The following NPAS4 variants were observed in gnomAD, a reference collection of about 807,000 sequenced individuals.
NPAS4 encodes the protein neuronal PAS domain-containing protein 4.
In NPAS4, 10 loss-of-function variants were observed where a neutral mutation model predicts 64.0. That is an observed-to-expected ratio of 0.16 (90% CI 0.10 to 0.26). The LOEUF (loss-of-function observed/expected upper bound fraction) is 0.26, where lower values mean the gene tolerates loss of function less well. Among genes scored for constraint, NPAS4 ranks in the 10% least tolerant of loss-of-function variants. The probability of loss-of-function intolerance (pLI) is 1.00; values close to 1 mark genes in which losing one functional copy is unlikely to be tolerated. For synonymous variants in NPAS4, 441 were observed against 411.7 expected (o/e 1.07, Z -0.86); for missense variants, 886 against 992.6 (o/e 0.89, Z 1.44).
At chr11:66,412,813 C>T in the NPAS4 span, among the ~76,000 whole-genome samples, 1 of 152,176 alleles carries the variant, frequency 6.6e-6, no homozygotes, top group Non-Finnish European at 1.5e-5. Context: ...ATTCTCCTCC[C>T]CCGCCACCCT....
intron 1 of NPAS4, among the ~76,000 whole-genome samples, chr11:66,421,742 C>A (rs375467274): frequency 6.6e-6 from 1 of 152,188 alleles, no homozygotes; most frequent in African/African-American, 2.4e-5. Flanking sequence ...GATCTCCTGT[C>A]GCCTTCGGGG....
chr11:66,423,815 G>A lies in NPAS4; in HGVS notation c.945-20G>A. On this transcript the variant is annotated intron_variant, in intron 6 of 7. Coordinates refer to ENST00000311034, the MANE Select transcript of NPAS4 (RefSeq NM_178864.4). The stretch of plus-strand genomic sequence containing the variant: ...TATGGACGTCGGACCCTTACCAGCT[G>A]CCTCTTCTCTCCTCTCCAGTGACAT... 7 of 1,601,704 alleles carry A rather than the reference G, an allele frequency of 4.4e-6. No individual in the cohort carries two copies. Among genetic ancestry groups the A allele is most frequent in the Non-Finnish European group, 6.0e-6 (7 of 1,172,488 alleles).
chr11:66,414,019 C>T, the NPAS4 span, among the ~76,000 whole-genome samples: 5 of 152,198 alleles, frequency 3.3e-5, no homozygotes, highest in Non-Finnish European at 5.9e-5. Context: ...TGTGCCAGGC[C>T]TTGTGCTGGA....
In NPAS4 at chr11:66,424,110, G is replaced by C; in HGVS notation, c.1220G>C (p.Gly407Ala). The C allele has an allele frequency of 6.2e-7, 1 of 1,613,922 alleles. No individual in the cohort carries two copies. Among genetic ancestry groups the C allele is most frequent in the Non-Finnish European group, 8.5e-7 (1 of 1,179,988 alleles). Residue 407 changes from glycine to alanine, a missense_variant, in exon 7 of 8, where the codon GGG (glycine) becomes GCG (alanine). By Grantham distance (60) the Gly-to-Ala change is moderately conservative. Transcript: ENST00000311034. ...LDFSYLTFPSGPEPSLQAELS... is the reference protein window; with the variant it reads ...LDFSYLTFPSAPEPSLQAELS... ...TTCAGTTACCTGACATTCCCTTCTG[G>C]GCCTGAGCCTTCTCTCCAAGCAGAA...
At chr11:66,421,578 C>A (rs1191241852) in intron 1 of NPAS4, among the ~76,000 whole-genome samples, 1 of 152,230 alleles carries the variant, frequency 6.6e-6, no homozygotes, top group Non-Finnish European at 1.5e-5. Context: ...GTCCCTAACA[C>A]CAGATTATGA....
Position 66,423,264 on chromosome 11 carries a change from G to A in NPAS4, c.808+32G>A, listed in dbSNP as rs79941962. On this transcript the variant is annotated intron_variant, in intron 5 of 7. Transcript: ENST00000311034. ...GTCCAGAGAGGCTGGGGACAAGATA[G>A]CAAGCTGGGAAAGGGCATGGGAGAC... The A allele has an allele frequency of 3.0e-4, 421 of 1,422,580 alleles. 1 individual carries two copies. The African/African-American group carries it at 5.5e-3, about 18-fold the overall frequency. 88.1% of individuals were successfully genotyped at this position (1,422,580 alleles called of 1,614,324 possible). A position where few individuals can be genotyped will look rare whatever the true frequency, so the allele number is the denominator to read the frequency against.
upstream of NPAS4, among the ~76,000 whole-genome samples, chr11:66,420,033 C>T (rs2134639087): frequency 6.6e-6 from 1 of 152,290 alleles, no homozygotes; most frequent in Admixed American, 6.5e-5. Context: ...CCGGAGGATT[C>T]CTGTCCTAAT....
At chr11:66,415,183 A>G in the NPAS4 span, among the ~76,000 whole-genome samples, 1 of 152,196 alleles carries the variant, frequency 6.6e-6, no homozygotes, top group African/African-American at 2.4e-5. Flanking sequence ...CTCCTGGTGC[A>G]GGAAGTGGAG....
rs1856775405 is a variant in NPAS4 at position 66,423,105 on chromosome 11, C to T, written c.699-18C>T. 6.4e-7 allele frequency: 1 copy of T among 1,571,106 alleles called. No homozygotes were observed. The highest frequency in any genetic ancestry group is 1.7e-5 in the Admixed American group (1 of 57,360). ...CAAGGAAAACAGAAAGCTGACCTCA[C>T]CCTTTCCACCTTCCCAGTGTCCTAA... On this transcript the variant is annotated intron_variant, in intron 4 of 7. Transcript: ENST00000311034.
intron 1 of NPAS4, among the ~76,000 whole-genome samples, 169 bp from the exon 2 acceptor site, chr11:66,421,951 A>G (rs1856750798): frequency 2.0e-5 from 3 of 152,246 alleles, no homozygotes. Flanking sequence ...ATGGAGATAC[A>G]GCAACAGGTT....
chr11:66,422,506 A>G lies in NPAS4; in HGVS notation c.383A>G (p.His128Arg). The G allele has an allele frequency of 1.2e-6, 2 of 1,613,672 alleles. No homozygotes were observed. The highest frequency in any genetic ancestry group is 1.7e-6 in the Non-Finnish European group (2 of 1,179,866). Residue 128 changes from histidine (H) to arginine (R), a missense_variant, in exon 3 of 8, where the codon CAC (histidine) becomes CGC (arginine). By Grantham distance (29) the His-to-Arg change is conservative (BLOSUM62 0). Coordinates refer to ENST00000311034, the MANE Select transcript of NPAS4 (RefSeq NM_178864.4). ...SIYDIIDPADHLTVRQQLTLP... is the reference protein window; with the variant it reads ...SIYDIIDPADRLTVRQQLTLP... Reference sequence around the variant, plus strand: ...TACGACATCATTGACCCAGCTGACCACCTCACTGTGCGCCAGCAACTCACC... The same window carrying G: ...TACGACATCATTGACCCAGCTGACCGCCTCACTGTGCGCCAGCAACTCACC...
chr11:66,418,109 C>T (rs539322358), upstream of NPAS4, among the ~76,000 whole-genome samples: 13 of 152,316 alleles, frequency 8.5e-5, no homozygotes, highest in South Asian at 2.3e-3. Context: ...GTAGGTTTGG[C>T]TGAGAGGCTT....
intron 5 of NPAS4, 171 bp from the exon 6 acceptor site, chr11:66,423,407 C>T: frequency 1.2e-6 from 1 of 835,818 alleles, no homozygotes. Context: ...CAAATCAGAA[C>T]TGGGGGACTC....
In NPAS4 at chr11:66,422,575, C is replaced by T. The variant is rs1425998961; in HGVS notation, c.430+22C>T. Reference sequence around the variant, plus strand: ...ACTGGTAAGGACTCCCTTCTCCCTTCCTCGGTCCAATTTCCCACCTGCTGC... The same window carrying T: ...ACTGGTAAGGACTCCCTTCTCCCTTTCTCGGTCCAATTTCCCACCTGCTGC... On this transcript the variant is annotated intron_variant, in intron 3 of 7. Transcript: ENST00000311034. 4.4e-6 allele frequency: 7 copies of T among 1,607,064 alleles called. No homozygotes were observed. The East Asian group carries it at 1.3e-4, about 31-fold the overall frequency.
At chr11:66,425,406 G>A (rs566353025) in intron 7 of NPAS4, 136 bp downstream of exon 7, 7 of 510,684 alleles carry the variant, frequency 1.4e-5, no homozygotes, top group African/African-American at 9.9e-5. Context: ...GAAGAGAGTA[G>A]CAGTGGAGAT....
upstream of NPAS4, among the ~76,000 whole-genome samples, chr11:66,416,095 GTATATAAATAACAATAATGA>G (rs879798890): frequency 1.1e-3 from 170 of 152,334 alleles, no homozygotes; most frequent in Non-Finnish European, 1.9e-3. Flanking sequence ...GAGCAAGACT[GTATATAAATAACAATAATGA>G]TATCAGCCAG....
the NPAS4 span, among the ~76,000 whole-genome samples, chr11:66,412,397 G>A: frequency 8.0e-3 from 1,212 of 152,320 alleles, 15 homozygotes; most frequent in African/African-American, 0.028. Flanking sequence ...TGCAGCCTTA[G>A]CCTGGTTTAC....
chr11:66,418,922 G>C (rs932809277), upstream of NPAS4, among the ~76,000 whole-genome samples: 3 of 152,190 alleles, frequency 2.0e-5, no homozygotes, highest in African/African-American at 7.2e-5. Flanking sequence ...GATTCGCTCA[G>C]ATTGCTGGAG....
intron 1 of NPAS4, among the ~76,000 whole-genome samples, chr11:66,421,884 T>G (rs778474669): frequency 6.6e-6 from 1 of 152,172 alleles, no homozygotes; most frequent in Non-Finnish European, 1.5e-5. Flanking sequence ...TCCGCGGTTC[T>G]GAAATTAAGA....
Sources: allele counts gnomAD v4.1 joint callset (sites outside exome capture counted in the v4.1 genomes callset), GRCh38; gene constraint gnomAD v4.1.1; transcripts MANE v1.5; gene names NCBI Gene and HGNC (gene_info 2026-07-23, HGNC 2026-07-21).